SCHIP1: variants seen among roughly 807,000 people sequenced by gnomAD.
SCHIP1 encodes schwannomin interacting protein 1.
Under a neutral mutation model 29.7 loss-of-function variants are expected in SCHIP1, and 8 were observed. The ratio of observed to expected loss-of-function variants is 0.27; its 90% CI spans 0.16 to 0.49. SCHIP1 has a LOEUF of 0.49. Among genes scored for constraint, SCHIP1 ranks in the 20% least tolerant of loss-of-function variants. SCHIP1 has a pLI of 0.99. For synonymous variants in SCHIP1, 76 were observed against 94.9 expected, an observed-to-expected ratio of 0.80 and a Z score of 1.16; for missense variants, 193 against 294.6, an observed-to-expected ratio of 0.66 and a Z score of 2.52.
the SCHIP1 span, among the ~76,000 whole-genome samples, chr3:159,711,026 G>C: frequency 7.2e-5 from 11 of 152,190 alleles, no homozygotes; most frequent in Non-Finnish European, 1.3e-4. Flanking sequence ...CCCTATAGAG[G>C]TGACATTACA....
intron 1 of SCHIP1, among the ~76,000 whole-genome samples, chr3:159,862,825 T>G (rs1269950393): frequency 6.6e-6 from 1 of 152,230 alleles, no homozygotes; most frequent in African/African-American, 2.4e-5. Flanking sequence ...AAAAACTTTT[T>G]TTTTTAAGTG....
At chr3:159,816,267 A>G in the SCHIP1 span, among the ~76,000 whole-genome samples, 5 of 149,276 alleles carry the variant, frequency 3.3e-5, no homozygotes, top group Non-Finnish European at 7.4e-5. Context: ...CCTTTTTTAA[A>G]ATGTATTTTA....
chr3:159,501,689 T>C, the SCHIP1 span, among the ~76,000 whole-genome samples: 7 of 152,226 alleles, frequency 4.6e-5, no homozygotes, highest in African/African-American at 1.7e-4. Flanking sequence ...ATACATAGCA[T>C]TTCTAAAACT....
At chr3:159,413,852 A>G in the SCHIP1 span, among the ~76,000 whole-genome samples, 2 of 152,164 alleles carry the variant, frequency 1.3e-5, no homozygotes, top group Non-Finnish European at 2.9e-5. Context: ...TTCATCTCAA[A>G]ACAGCACAAT....
At chr3:159,475,840 A>G in the SCHIP1 span, among the ~76,000 whole-genome samples, 1 of 152,182 alleles carries the variant, frequency 6.6e-6, no homozygotes, top group Admixed American at 6.6e-5. Context: ...CTGGGAGTAG[A>G]AACAGGAATT....
chr3:159,488,834 G>T, the SCHIP1 span, among the ~76,000 whole-genome samples: 2 of 152,204 alleles, frequency 1.3e-5, no homozygotes, highest in Non-Finnish European at 2.9e-5. Context: ...ATCTGCTTCA[G>T]ATTTATTTTT....
At chr3:159,328,400 A>G in the SCHIP1 span, among the ~76,000 whole-genome samples, 1 of 152,212 alleles carries the variant, frequency 6.6e-6, no homozygotes, top group Non-Finnish European at 1.5e-5. Flanking sequence ...GAAGTATGTC[A>G]GCACACTGTT....
chr3:159,306,686 G>T, the SCHIP1 span: 1 of 299,200 alleles, frequency 3.3e-6, no homozygotes, highest in East Asian at 1.7e-4. Context: ...ATGATTTATG[G>T]AGAAGATGTA....
the SCHIP1 span, among the ~76,000 whole-genome samples, chr3:159,620,651 A>C: frequency 6.6e-6 from 1 of 152,236 alleles, no homozygotes; most frequent in Non-Finnish European, 1.5e-5. Flanking sequence ...CATTGGAGGC[A>C]GACCAGATGC....
the SCHIP1 span, chr3:159,401,417 A>AT: frequency 1.1e-6 from 1 of 931,812 alleles, no homozygotes; most frequent in Non-Finnish European, 1.3e-6. Flanking sequence ...TTAGATAGTA[A>AT]TAAAAATAGC....
chr3:159,862,606 A>G (rs1577452087), intron 1 of SCHIP1, among the ~76,000 whole-genome samples: 1 of 152,238 alleles, frequency 6.6e-6, no homozygotes, highest in Non-Finnish European at 1.5e-5. Context: ...ACTTAACTAC[A>G]TAACATTTAC....
At chr3:159,472,257 AAGAC>A in the SCHIP1 span, among the ~76,000 whole-genome samples, 9 of 152,190 alleles carry the variant, frequency 5.9e-5, no homozygotes, top group Middle Eastern at 3.2e-3. Flanking sequence ...TGTAGAGAAA[AAGAC>A]AGAAGATACT....
At chr3:159,768,904 G>T in the SCHIP1 span, among the ~76,000 whole-genome samples, 1 of 152,238 alleles carries the variant, frequency 6.6e-6, no homozygotes, top group African/African-American at 2.4e-5. Flanking sequence ...ACTACTCCCA[G>T]AAGTGCCCCT....
the SCHIP1 span, among the ~76,000 whole-genome samples, chr3:159,327,067 G>T: frequency 1.3e-5 from 2 of 152,110 alleles, no homozygotes; most frequent in Non-Finnish European, 2.9e-5. Flanking sequence ...GTTTTTATAC[G>T]GAGGAAAATA....
chr3:159,618,379 C>G, the SCHIP1 span, among the ~76,000 whole-genome samples: 1 of 152,136 alleles, frequency 6.6e-6, no homozygotes, highest in Non-Finnish European at 1.5e-5. Flanking sequence ...ATTTAAAAGC[C>G]TTTGTAGGCA....
the SCHIP1 span, among the ~76,000 whole-genome samples, chr3:159,689,926 C>G: frequency 5.9e-5 from 9 of 152,274 alleles, 1 homozygote; most frequent in South Asian, 1.9e-3. Flanking sequence ...GTTTAACCAG[C>G]CTTGCATCCT....
At chr3:159,734,917 C>A in the SCHIP1 span, among the ~76,000 whole-genome samples, 2 of 151,816 alleles carry the variant, frequency 1.3e-5, no homozygotes, top group African/African-American at 4.8e-5. Flanking sequence ...ATCCCCTGTG[C>A]CCATTCCCTT....
chr3:159,323,870 A>G, the SCHIP1 span, among the ~76,000 whole-genome samples: 1 of 152,164 alleles, frequency 6.6e-6, no homozygotes, highest in Non-Finnish European at 1.5e-5. Context: ...TAGAAGTGGG[A>G]CATCCTATGG....
the SCHIP1 span, among the ~76,000 whole-genome samples, chr3:159,408,400 TAAAA>T: frequency 3.4e-4 from 50 of 147,736 alleles, 2 homozygotes; most frequent in South Asian, 7.3e-3. Context: ...TTTGCAATGA[TAAAA>T]AAAAAAGGAC....
Sources: allele counts gnomAD v4.1 joint callset (sites outside exome capture counted in the v4.1 genomes callset), GRCh38; gene constraint gnomAD v4.1.1; transcripts MANE v1.5; gene names NCBI Gene and HGNC (gene_info 2026-07-23, HGNC 2026-07-21).